Variants in KRT1 observed in about 807,000 individuals in gnomAD.
KRT1 encodes keratin 1.
KRT1 carries 28 observed loss-of-function variants against 51.6 expected under a neutral mutation model. The observed-to-expected ratio is 0.54, with a 90% CI of 0.40 to 0.74. KRT1 has a LOEUF of 0.74. Among genes scored for constraint, KRT1 ranks in the 30% least tolerant of loss-of-function variants. KRT1 has a pLI of 0.00. For missense variants in KRT1, 783 were observed against 815.5 expected (o/e 0.96, Z 0.49); for synonymous variants, 301 against 307.7 (o/e 0.98, Z 0.23).
chr12:52,680,176 GCACCAAAGCTACCACCAC>G lies in KRT1; in HGVS notation c.155_172del (p.Gly52_Gly57del), dbSNP rs771524812. The G allele has an allele frequency of 1.5e-5, 24 of 1,611,318 alleles. No individual in the cohort carries two copies. The highest frequency in any genetic ancestry group is 1.9e-5 in the Non-Finnish European group (22 of 1,178,764). On this transcript the variant is annotated inframe_deletion, in exon 1 of 9. Transcript: ENST00000252244. ...ACTCCGACTTCCAAATCCACCACCA[GCACCAAAGCTACCACCAC>G]CACCACCACAGCTTGAAAATCTCCC... is the stretch of plus-strand genomic sequence containing the variant.
chr12:52,676,713 C>T (rs1160930869), intron 6 of KRT1, among the ~76,000 whole-genome samples: 2 of 152,160 alleles, frequency 1.3e-5, no homozygotes, highest in Admixed American at 1.3e-4. Context: ...TGAGTCAAGG[C>T]TCCTACAACC....
At position 52,680,158 on chromosome 12, in the gene KRT1, C is replaced by T. The variant is rs760593492; in HGVS notation, c.191G>A (p.Ser64Asn). 3 of 1,606,368 alleles carry T rather than the reference C, an allele frequency of 1.9e-6. No individual in the cohort carries two copies. The South Asian group carries it at 3.3e-5, about 18-fold the overall frequency. The change falls in exon 1 of 9, where the codon AGT (serine) becomes AAT (asparagine). Residue 64 changes from serine to asparagine, a missense_variant. Physicochemically the swap from Ser to Asn is conservative, Grantham distance 46. Coordinates refer to ENST00000252244, the MANE Select transcript of KRT1 (RefSeq NM_006121.4). Reference protein sequence around the residue: ...GSFGAGGGFGSRSLVNLGGSK... With the variant: ...GSFGAGGGFGNRSLVNLGGSK... ...GCCACCAAGGTTAACAAGACTCCGA[C>T]TTCCAAATCCACCACCAGCACCAAA...
intron 2 of KRT1, 80 bp downstream of exon 2, chr12:52,678,462 C>T: frequency 7.2e-7 from 1 of 1,379,914 alleles, no homozygotes; most frequent in Non-Finnish European, 1.0e-6. Context: ...TAGCTACATG[C>T]TGCTTCATGA....
intron 6 of KRT1, among the ~76,000 whole-genome samples, 161 bp downstream of exon 6, chr12:52,676,898 A>T (rs1394614863): frequency 6.6e-6 from 1 of 152,196 alleles, no homozygotes; most frequent in Non-Finnish European, 1.5e-5. Context: ...ACCCAGCATG[A>T]TGGCTGCATT....
In KRT1 at chr12:52,680,401, C is replaced by G; in HGVS notation, c.-53G>C. 1.3e-6 allele frequency: 2 copies of G among 1,484,658 alleles called. No homozygotes were observed. The highest frequency in any genetic ancestry group is 1.1e-5 in the South Asian group (1 of 88,534). 92.0% of individuals were successfully genotyped at this position (1,484,658 alleles called of 1,614,324 possible). ...GTAGAGTAAGGGAAGGAGCTAAACA[C>G]TCCTCTACCCCAAGCATAGAGACTT... On this transcript the variant is annotated 5_prime_UTR_variant, in exon 1 of 9. Coordinates refer to ENST00000252244, the MANE Select transcript of KRT1 (RefSeq NM_006121.4).
rs775570636 is a variant in KRT1 at position 52,675,486 on chromosome 12, C to T, written c.1642G>A (p.Gly548Ser). The change falls in exon 9 of 9, where the codon GGC becomes AGC. Residue 548 changes from glycine to serine, a missense_variant. Gly to Ser is a moderately conservative substitution (Grantham distance 56). Transcript: ENST00000252244. Reference protein sequence around the residue: ...SYGSGGGGGGGRGSYGSGGSS... With the variant: ...SYGSGGGGGGSRGSYGSGGSS... ...CCTCCGGAGCCATAGCTGCCACGGC[C>T]GCCGCCGCCGCCACCTCCAGAACCA... is the stretch of plus-strand genomic sequence containing the variant. 5.6e-5 allele frequency: 75 copies of T among 1,327,564 alleles called. No homozygotes were observed. The highest frequency in any genetic ancestry group is 7.6e-5 in the Non-Finnish European group (73 of 962,360). 82.2% of individuals were successfully genotyped at this position (1,327,564 alleles called of 1,614,324 possible).
In KRT1 at chr12:52,675,483, G is replaced by GGCCGCC. The variant is rs762443372; in HGVS notation, c.1639_1644dup (p.Gly547_Gly548dup). On this transcript the variant is annotated inframe_insertion, in exon 9 of 9. Coordinates refer to ENST00000252244, the MANE Select transcript of KRT1 (RefSeq NM_006121.4). Reference sequence around the variant, plus strand: ...CTACCTCCGGAGCCATAGCTGCCACGGCCGCCGCCGCCGCCACCTCCAGAA... The same window carrying GGCCGCC: ...CTACCTCCGGAGCCATAGCTGCCACGGCCGCCGCCGCCGCCGCCGCCACCTCCAGAA... The GGCCGCC allele has an allele frequency of 1.8e-5, 26 of 1,477,554 alleles. 1 individual carries two copies. The South Asian group carries it at 2.8e-4, about 16-fold the overall frequency. The allele number at this position is 1,477,554 out of a possible 1,614,324, so 91.5% of individuals were successfully genotyped here. A position where few individuals can be genotyped will look rare whatever the true frequency, so the allele number is the denominator to read the frequency against.
Position 52,676,399 on chromosome 12 carries a change from G to A in KRT1, c.1351C>T (p.Leu451=), listed in dbSNP as rs771675813. 1 of 1,614,188 alleles carries A rather than the reference G, an allele frequency of 6.2e-7. No individual in the cohort carries two copies. Among genetic ancestry groups the A allele is most frequent in the Admixed American group, 1.7e-5 (1 of 60,020 alleles). The change falls in exon 7 of 9, where the codon CTG becomes TTG. Residue 451 remains leucine, a synonymous_variant. Transcript: ENST00000252244. ...GCCAGGTCTTCCTTGGCCTGCTGCA[G>A]GGCATCCTCCAGGTCATTCAGCTTG... The part of the protein sequence containing the change: ...KNKLNDLEDA[L]QQAKEDLARL...
chr12:52,675,617 G>A lies in KRT1; in HGVS notation c.1511C>T (p.Ser504Phe), dbSNP rs751464239. The A allele has an allele frequency of 6.2e-7, 1 of 1,614,168 alleles. No individual in the cohort carries two copies. Among genetic ancestry groups the A allele is most frequent in the Non-Finnish European group, 8.5e-7 (1 of 1,180,018 alleles). Residue 504 changes from serine (S) to phenylalanine (F), a missense_variant and splice_region_variant, in exon 9 of 9, where the codon TCT becomes TTT. Transcript: ENST00000252244. ...GATGGTGGTGTGGCTTGTGCTCACA[G>A]CTGCAAGAGGAAGCTCAGTTATTTT... is the stretch of plus-strand genomic sequence containing the variant. Reference protein sequence around the residue: ...SGECAPNVSVSVSTSHTTISG... With the variant: ...SGECAPNVSVFVSTSHTTISG...
chr12:52,675,152 G>A lies in KRT1; in HGVS notation c.*41C>T. 2.5e-6 allele frequency: 4 copies of A among 1,609,934 alleles called. No homozygotes were observed. The highest frequency in any genetic ancestry group is 3.4e-6 in the Non-Finnish European group (4 of 1,177,652). ...CTTGCCAAGCATATTTGTTAGTGATGCTGGGGGAGAACTAGAGCTAATGAA... is the reference window on the plus strand; with the variant it reads ...CTTGCCAAGCATATTTGTTAGTGATACTGGGGGAGAACTAGAGCTAATGAA... On this transcript the variant is annotated 3_prime_UTR_variant, in exon 9 of 9. Coordinates refer to ENST00000252244, the MANE Select transcript of KRT1 (RefSeq NM_006121.4).
rs148526002 is a variant in KRT1, at chr12:52,679,852, T to C, written c.497A>G (p.Asn166Ser). 40 of 1,614,026 alleles carry C rather than the reference T, an allele frequency of 2.5e-5. No individual in the cohort carries two copies. The highest frequency in any genetic ancestry group is 7.7e-5 in the South Asian group (7 of 91,088). Reference protein sequence around the residue: ...TINQSLLQPLNVEIDPEIQKV... With the variant: ...TINQSLLQPLSVEIDPEIQKV... ...TTGGATCTCAGGGTCAATCTCCACA[T>C]TGAGGGGCTGAAGAAGGCTCTGGTT... Residue 166 changes from asparagine to serine, a missense_variant, in exon 1 of 9, where the codon AAT becomes AGT. Asn to Ser is a conservative substitution (Grantham distance 46). Coordinates refer to ENST00000252244, the MANE Select transcript of KRT1 (RefSeq NM_006121.4).
chr12:52,680,262 G>C lies in KRT1; in HGVS notation c.87C>G (p.Arg29=). The C allele has an allele frequency of 1.2e-6, 2 of 1,613,738 alleles. No individual in the cohort carries two copies. The highest frequency in any genetic ancestry group is 1.7e-6 in the Non-Finnish European group (2 of 1,179,904). Residue 29 remains arginine (R), a synonymous_variant, in exon 1 of 9, where the codon CGC becomes CGG. Coordinates refer to ENST00000252244, the MANE Select transcript of KRT1 (RefSeq NM_006121.4). ...SGSAGIINYQ[R]RTTSSSTRRS... Reference sequence around the variant, plus strand: ...GGCGTGTGGAGCTGCTGGTGGTCCTGCGCTGGTAGTTGATGATCCCAGCAG... The same window carrying C: ...GGCGTGTGGAGCTGCTGGTGGTCCTCCGCTGGTAGTTGATGATCCCAGCAG...
Position 52,678,651 on chromosome 12 carries a change from A to G in KRT1, c.697T>C (p.Ser233Pro). The change falls in exon 2 of 9, where the codon TCA becomes CCA. Residue 233 changes from serine to proline, a missense_variant. Coordinates refer to ENST00000252244, the MANE Select transcript of KRT1 (RefSeq NM_006121.4). ...CTCCTTCGGAGATTGTTGATGAATG[A>G]CTCAAAGTAGGGCTCTAAATTATGG... ...RTHNLEPYFE[S>P]FINNLRRRVD... 1 of 1,614,142 alleles carries G rather than the reference A, an allele frequency of 6.2e-7. No individual in the cohort carries two copies. The highest frequency in any genetic ancestry group is 8.5e-7 in the Non-Finnish European group (1 of 1,180,030).
chr12:52,676,381 C>A lies in KRT1; in HGVS notation c.1369G>T (p.Asp457Tyr), dbSNP rs377282465. Residue 457 changes from aspartate (D) to tyrosine (Y), a missense_variant, in exon 7 of 9, where the codon GAC becomes TAC. Physicochemically the swap from Asp to Tyr is radical, Grantham distance 160. Transcript: ENST00000252244. ...LEDALQQAKE[D>Y]LARLLRDYQE... ...TAGTCGCGCAGCAGGCGGGCCAGGT[C>A]TTCCTTGGCCTGCTGCAGGGCATCC... The A allele has an allele frequency of 4.0e-5, 65 of 1,614,094 alleles. No individual in the cohort carries two copies. In the Admixed American group the frequency reaches 7.2e-4, roughly 18 times the overall value.
rs2121006551 is a variant in KRT1 at position 52,678,149 on chromosome 12, C to T, written c.867+14G>A. On this transcript the variant is annotated intron_variant, in intron 3 of 8. Coordinates refer to ENST00000252244, the MANE Select transcript of KRT1 (RefSeq NM_006121.4). ...TATTTCAAATGTGAGTTCCGTCCTA[C>T]AGAATTTGCTTACCTTCTTGATGGT... 1.2e-6 allele frequency: 2 copies of T among 1,613,502 alleles called. No individual in the cohort carries two copies. Among genetic ancestry groups the T allele is most frequent in the South Asian group, 2.2e-5 (2 of 91,048 alleles).
rs886049634 is a variant in KRT1, at chr12:52,674,918, C to T, written c.*275G>A. ...CTACTCTGGCTGGCTTAAGGAGGTGCTTTGAAATGTCATGTGGGTGGTGGT... is the reference window on the plus strand; with the variant it reads ...CTACTCTGGCTGGCTTAAGGAGGTGTTTTGAAATGTCATGTGGGTGGTGGT... On this transcript the variant is annotated 3_prime_UTR_variant, in exon 9 of 9. Coordinates refer to ENST00000252244, the MANE Select transcript of KRT1 (RefSeq NM_006121.4). 1 of 581,920 alleles carries T rather than the reference C, an allele frequency of 1.7e-6. No homozygotes were observed. The highest frequency in any genetic ancestry group is 3.1e-6 in the Non-Finnish European group (1 of 326,788). 36.0% of individuals were successfully genotyped at this position (581,920 alleles called of 1,614,324 possible).
In KRT1 at chr12:52,675,466, G is replaced by A. The variant is rs778502873; in HGVS notation, c.1662C>T (p.Ser554=). The A allele has an allele frequency of 1.3e-5, 18 of 1,428,160 alleles. No individual in the cohort carries two copies. The highest frequency in any genetic ancestry group is 2.1e-4 in the Middle Eastern group (1 of 4,762). 88.5% of individuals were successfully genotyped at this position (1,428,160 alleles called of 1,614,324 possible). A position where few individuals can be genotyped will look rare whatever the true frequency, so the allele number is the denominator to read the frequency against. Residue 554 remains serine, a synonymous_variant, in exon 9 of 9, where the codon TCC becomes TCT. Transcript: ENST00000252244. ...GGGGGRGSYG[S]GGSSYGSGGG... is the part of the protein sequence containing the mutation. Reference sequence around the variant, plus strand: ...CTCCGGAGCCGTAGCTGCTACCTCCGGAGCCATAGCTGCCACGGCCGCCGC... The same window carrying A: ...CTCCGGAGCCGTAGCTGCTACCTCCAGAGCCATAGCTGCCACGGCCGCCGC...
At chr12:52,679,468 A>C (rs774020960) in intron 1 of KRT1, among the ~76,000 whole-genome samples, 2 of 152,180 alleles carry the variant, frequency 1.3e-5, no homozygotes, top group Non-Finnish European at 2.9e-5. Flanking sequence ...TATTATCTTC[A>C]TTCAACAGAT....
rs1941517849 is a variant in KRT1, at chr12:52,677,104, A to T, written c.1209T>A (p.Arg403=). The change falls in exon 6 of 9, where the codon CGT becomes CGA. Residue 403 remains arginine (R), a synonymous_variant. Transcript: ENST00000252244. ...NSKIEISELN[R]VIQRLRSEID... ...TTTCAGATCTAAGTCTCTGGATCAC[A>T]CGATTCAGCTCAGAAATTTCTATCT... 1 of 1,613,922 alleles carries T rather than the reference A, an allele frequency of 6.2e-7. No homozygotes were observed. Among genetic ancestry groups the T allele is most frequent in the Non-Finnish European group, 8.5e-7 (1 of 1,180,056 alleles).
Sources: allele counts gnomAD v4.1 joint callset (sites outside exome capture counted in the v4.1 genomes callset), GRCh38; gene constraint gnomAD v4.1.1; transcripts MANE v1.5; gene names NCBI Gene and HGNC (gene_info 2026-07-23, HGNC 2026-07-21).